The following SYNE1 variants were observed in gnomAD, a reference collection of about 807,000 sequenced individuals.
The protein encoded by SYNE1 is nesprin-1.
In SYNE1, 616 loss-of-function variants were observed where a neutral mutation model predicts 1,111.0. That is an observed-to-expected ratio of 0.55 (90% confidence interval 0.52 to 0.59). The LOEUF (loss-of-function observed/expected upper bound fraction) is 0.59, where lower values mean the gene tolerates loss of function less well. SYNE1 is among the 20% of genes least tolerant of loss of function. The probability of loss-of-function intolerance (pLI) is 0.00; values close to 1 mark genes in which losing one functional copy is unlikely to be tolerated. For missense variants in SYNE1, 10,006 were observed against 10,417.0 expected, an observed-to-expected ratio of 0.96 and a Z score of 1.72; for synonymous variants, 3,855 against 3,825.8, an observed-to-expected ratio of 1.01 and a Z score of -0.28.
At chr6:152,467,311 T>G (rs1456942173) in intron 16 of SYNE1, among the ~76,000 whole-genome samples, 3 of 152,068 alleles carry the variant, frequency 2.0e-5, no homozygotes, top group African/African-American at 7.2e-5. Flanking sequence ...CCTTATATCT[T>G]CTTATTACAA....
chr6:152,612,978 G>A (rs1177595664), intron 3 of SYNE1, among the ~76,000 whole-genome samples: 4 of 152,108 alleles, frequency 2.6e-5, no homozygotes, highest in African/African-American at 9.7e-5. Flanking sequence ...CAATAAACTA[G>A]GTATTGAGGG....
intron 135 of SYNE1, among the ~76,000 whole-genome samples, chr6:152,150,864 G>A (rs1250443920): frequency 6.6e-6 from 1 of 152,088 alleles, no homozygotes; most frequent in Non-Finnish European, 1.5e-5. Context: ...CAACATGGAG[G>A]TTAAAGGAAC....
intron 14 of SYNE1, among the ~76,000 whole-genome samples, chr6:152,474,003 G>A (rs1173571558): frequency 2.0e-5 from 3 of 152,142 alleles, no homozygotes; most frequent in Middle Eastern, 3.4e-3. Flanking sequence ...GGCCAACATG[G>A]TGAAACCCCG....
At chr6:152,436,906 C>T (rs377699365) in intron 32 of SYNE1, among the ~76,000 whole-genome samples, 294 of 152,072 alleles carry the variant, frequency 1.9e-3, no homozygotes, top group Middle Eastern at 6.8e-3. Context: ...CGGCTCATGC[C>T]TTTAACTCCA....
intron 104 of SYNE1, among the ~76,000 whole-genome samples, chr6:152,251,675 C>T (rs1045157330): frequency 2.0e-5 from 3 of 151,348 alleles, no homozygotes; most frequent in Non-Finnish European, 4.4e-5. Context: ...AGGAGAATGG[C>T]GTGAACCTGG....
At chr6:152,536,572 G>A (rs2099244015) in intron 4 of SYNE1, among the ~76,000 whole-genome samples, 1 of 150,114 alleles carries the variant, frequency 6.7e-6, no homozygotes, top group Non-Finnish European at 1.5e-5. Context: ...CACTCCCAAT[G>A]GCGGCCAATG....
At chr6:152,253,828 T>TTTTTTG in intron 104 of SYNE1, among the ~76,000 whole-genome samples, 1 of 58,850 alleles carries the variant, frequency 1.7e-5, no homozygotes, top group Non-Finnish European at 2.8e-5. Context: ...GTTTTTTTTT[T>TTTTTTG]TTTTTTTTTT....
rs138809474 is a variant in SYNE1, at chr6:152,563,216, G to A, written c.68-23195C>T. On this transcript the variant is annotated intron_variant, in intron 3 of 145. Transcript: ENST00000367255. ...TTTGGTAAATTATCCTAATTCAGTC[G>A]TATCTAAACCAAACACAGCTTTCAC... 5.0e-4 allele frequency among the ~76,000 whole-genome samples: 76 copies of A among 152,024 alleles called. No individual in the cohort carries two copies. The East Asian group carries it at 0.013, about 26-fold the overall frequency.
At position 152,126,218 on chromosome 6, in the gene SYNE1, C is replaced by T. The variant is rs917973969; in HGVS notation, c.26154-3542G>A. ...GCAGCTGGCTGCCCTTGAAAATATC[C>T]GAACTATCCACTGGGAAAATGCCTG... On this transcript the variant is annotated intron_variant, in intron 145 of 145. Coordinates refer to ENST00000367255, the MANE Select transcript of SYNE1 (RefSeq NM_182961.4). The T allele has an allele frequency of 4.6e-5, 7 of 152,152 alleles. No individual in the cohort carries two copies. The East Asian group carries it at 7.7e-4, about 17-fold the overall frequency. 9.4% of individuals were successfully genotyped at this position (152,152 alleles called of 1,614,324 possible).
At chr6:152,580,356 G>T (rs912287812) in intron 3 of SYNE1, among the ~76,000 whole-genome samples, 1 of 152,082 alleles carries the variant, frequency 6.6e-6, no homozygotes, top group South Asian at 2.1e-4. Context: ...TTTCAATGGG[G>T]TTGTTTAGTT....
chr6:152,429,157 C>T (rs2098404492), intron 36 of SYNE1, among the ~76,000 whole-genome samples: 1 of 151,392 alleles, frequency 6.6e-6, no homozygotes, highest in South Asian at 2.1e-4. Flanking sequence ...CCCTGCATTA[C>T]CTGCTTCCCA....
At chr6:152,425,277 A>G in intron 39 of SYNE1, 104 bp downstream of exon 39, 1 of 1,205,916 alleles carries the variant, frequency 8.3e-7, no homozygotes, top group Non-Finnish European at 1.2e-6. Flanking sequence ...TCAGGTGAGT[A>G]GTTGAGTTAA....
chr6:152,180,026 C>T, intron 129 of SYNE1, 110 bp downstream of exon 129: 1 of 1,189,332 alleles, frequency 8.4e-7, no homozygotes, highest in East Asian at 2.4e-5. Context: ...TTAAAATATA[C>T]TGCTCCTTTG....
In SYNE1 at chr6:152,318,101, G is replaced by A. The variant is rs377410590; in HGVS notation, c.16552C>T (p.Arg5518Trp). The stretch of plus-strand genomic sequence containing the variant: ...CATACCTGATTGAGCTTGGAGAGCC[G>A]ATTCTCAGCTTGTCTAATGGTCTGC... ...HQQTIRQAEN[R>W]LSKLNQAASH... is the part of the protein sequence containing the mutation. The change falls in exon 86 of 146, where the codon CGG becomes TGG. Residue 5518 changes from arginine (R) to tryptophan (W), a missense_variant. Arg to Trp is a moderately radical substitution (Grantham distance 101). Around this residue, in one of 7 missense-constraint regions of SYNE1, gnomAD observed 4,955 missense variants for 5,017.2 expected, o/e 0.99. Coordinates refer to ENST00000367255, the MANE Select transcript of SYNE1 (RefSeq NM_182961.4). 7.9e-5 allele frequency: 127 copies of A among 1,614,060 alleles called. No homozygotes were observed. Among genetic ancestry groups the A allele is most frequent in the East Asian group, 1.1e-4 (5 of 44,892 alleles).
chr6:152,252,763 T>C (rs1254982847), intron 104 of SYNE1, among the ~76,000 whole-genome samples: 1 of 152,208 alleles, frequency 6.6e-6, no homozygotes, highest in Non-Finnish European at 1.5e-5. Context: ...TGAAATGTCT[T>C]TTTGTTCGTG....
Position 152,364,988 on chromosome 6 carries a change from A to G in SYNE1, c.10004T>C (p.Ile3335Thr). 1.9e-6 allele frequency: 3 copies of G among 1,614,174 alleles called. No homozygotes were observed. Among genetic ancestry groups the G allele is most frequent in the South Asian group, 2.2e-5 (2 of 91,076 alleles). ...CCTGGTCACTATCATTTTCATCTGAATCTCTTTTTCCTGTTTGACTGATAA... is the reference window on the plus strand; with the variant it reads ...CCTGGTCACTATCATTTTCATCTGAGTCTCTTTTTCCTGTTTGACTGATAA... ...ALLSVKQEKE[I>T]QMKMIVTRGE... Residue 3335 changes from isoleucine (I) to threonine (T), a missense_variant, in exon 63 of 146, where the codon ATT becomes ACT. Physicochemically the swap from Ile to Thr is moderately conservative, Grantham distance 89. Around this residue, in one of 7 missense-constraint regions of SYNE1, gnomAD observed 4,955 missense variants for 5,017.2 expected, o/e 0.99. Transcript: ENST00000367255.
At chr6:152,195,888 C>G in intron 127 of SYNE1, among the ~76,000 whole-genome samples, 1 of 147,860 alleles carries the variant, frequency 6.8e-6, no homozygotes, top group South Asian at 2.1e-4. Context: ...TGAGCTCCCC[C>G]TGGCCCCAGG....
At chr6:152,604,714 C>T (rs1026585014) in intron 3 of SYNE1, among the ~76,000 whole-genome samples, 11 of 151,538 alleles carry the variant, frequency 7.3e-5, no homozygotes, top group East Asian at 3.9e-4. Context: ...TCAAGGCAGG[C>T]GGATCACTTG....
Position 152,442,106 on chromosome 6 carries a change from C to A in SYNE1, c.3977G>T (p.Arg1326Leu), listed in dbSNP as rs371842938. ...KLESTLDGLE[R>L]SRERQERRIQ... ...GCGGCGTTCCTGCCTCTCCCGGCTG[C>A]GCTCCAGGCCATCCAGTGTGCTCTC... Residue 1326 changes from arginine to leucine, a missense_variant, in exon 31 of 146, where the codon CGC (arginine) becomes CTC (leucine). By Grantham distance (102) the Arg-to-Leu change is moderately radical. Transcript: ENST00000367255. 6 of 1,613,948 alleles carry A rather than the reference C, an allele frequency of 3.7e-6. No individual in the cohort carries two copies. In the East Asian group the frequency reaches 1.1e-4, roughly 30 times the overall value.
Sources: allele counts gnomAD v4.1 joint callset (sites outside exome capture counted in the v4.1 genomes callset), GRCh38; gene constraint gnomAD v4.1.1; regional missense constraint gnomAD v4.1.1; transcripts MANE v1.5; gene names NCBI Gene and HGNC (gene_info 2026-07-23, HGNC 2026-07-21).